Variants in AKAP11 observed in about 807,000 individuals in gnomAD.
AKAP11 encodes A-kinase anchor protein 11.
Under a neutral mutation model 146.1 loss-of-function variants are expected in AKAP11, and 36 were observed. That is an observed-to-expected ratio of 0.25 (90% CI 0.19 to 0.33). AKAP11 has a LOEUF of 0.33. Ranked by LOEUF, AKAP11 falls within the 10% of genes least tolerant of loss-of-function variation. AKAP11 has a pLI of 1.00. For missense variants in AKAP11, 2,201 were observed against 2,197.0 expected, an observed-to-expected ratio of 1.00 and a Z score of -0.04; for synonymous variants, 780 against 786.5, an observed-to-expected ratio of 0.99 and a Z score of 0.14.
At chr13:42,307,894 A>G (rs1359866227) in intron 8 of AKAP11, among the ~76,000 whole-genome samples, 1 of 152,204 alleles carries the variant, frequency 6.6e-6, no homozygotes. Context: ...AAAATAGTTG[A>G]GCAGTGAATG....
chr13:42,315,824 A>G (rs1011932965), intron 11 of AKAP11, among the ~76,000 whole-genome samples: 1 of 152,224 alleles, frequency 6.6e-6, no homozygotes, highest in Admixed American at 6.5e-5. Context: ...GAAAGATTCA[A>G]AATTATGGAA....
chr13:42,308,748 G>A lies in AKAP11; in HGVS notation c.5273+139G>A. On this transcript the variant is annotated intron_variant, in intron 9 of 12. Transcript: ENST00000025301. ...CAAAATGTATTTTATTATTCACAAT[G>A]TATTTCTAATTGTTTTTAACACTTA... is the stretch of plus-strand genomic sequence containing the variant. The A allele has an allele frequency of 4.3e-6, 3 of 703,728 alleles. 1 individual carries two copies. The allele number at this position is 703,728 out of a possible 1,614,324, so 43.6% of individuals were successfully genotyped here.
chr13:42,305,049 C>T (rs1217871612), intron 8 of AKAP11, among the ~76,000 whole-genome samples: 1 of 152,128 alleles, frequency 6.6e-6, no homozygotes, highest in African/African-American at 2.4e-5. Context: ...CCGCAACCAG[C>T]CATGCTCAGT....
At chr13:42,293,774 G>A (rs558872418) in intron 4 of AKAP11, among the ~76,000 whole-genome samples, 144 of 152,294 alleles carry the variant, frequency 9.5e-4, no homozygotes, top group Non-Finnish European at 1.8e-3. Context: ...CCCTATGCCA[G>A]CTTATTTTCT....
chr13:42,287,074 GT>G (rs1457450564), intron 3 of AKAP11, among the ~76,000 whole-genome samples: 1 of 151,976 alleles, frequency 6.6e-6, no homozygotes, highest in Non-Finnish European at 1.5e-5. Context: ...GTTTTTCTTG[GT>G]TTCCTTCTCT....
chr13:42,306,562 CTT>C (rs1442033177), intron 8 of AKAP11, among the ~76,000 whole-genome samples: 4 of 152,174 alleles, frequency 2.6e-5, no homozygotes, highest in African/African-American at 9.7e-5. Context: ...TCCTGCTTCT[CTT>C]CTTAATAATT....
chr13:42,298,516 C>A lies in AKAP11; in HGVS notation c.352-17C>A. 1 of 1,602,222 alleles carries A rather than the reference C, an allele frequency of 6.2e-7. No individual in the cohort carries two copies. Among genetic ancestry groups the A allele is most frequent in the Non-Finnish European group, 8.5e-7 (1 of 1,175,984 alleles). ...TTGAAATTAAAATTGTTTTTATTAT[C>A]TTTTATCTTTCCCAAGAGTCATCCT... On this transcript the variant is annotated splice_polypyrimidine_tract_variant and intron_variant, in intron 6 of 12. Transcript: ENST00000025301.
In AKAP11 at chr13:42,276,915, T is replaced by C. The variant is rs560044843; in HGVS notation, c.-100+4687T>C. 4.6e-5 allele frequency among the ~76,000 whole-genome samples: 7 copies of C among 152,372 alleles called. No homozygotes were observed. The South Asian group carries it at 1.4e-3, about 32-fold the overall frequency. ...TAGATGTCACTGATAAAAAGAAATG[T>C]GTTCCTGGGTTAAAATTCTGAACAT... is the stretch of plus-strand genomic sequence containing the variant. On this transcript the variant is annotated intron_variant, in intron 1 of 12. Coordinates refer to ENST00000025301, the MANE Select transcript of AKAP11 (RefSeq NM_016248.4).
At chr13:42,283,300 A>G (rs1210162564) in intron 1 of AKAP11, among the ~76,000 whole-genome samples, 2 of 152,246 alleles carry the variant, frequency 1.3e-5, no homozygotes, top group Non-Finnish European at 2.9e-5. Flanking sequence ...ATATAGAATT[A>G]AACTGTTTCT....
chr13:42,319,024 T>G (rs1960963273), intron 12 of AKAP11, 64 bp from the exon 13 acceptor site: 2 of 1,513,694 alleles, frequency 1.3e-6, no homozygotes, highest in Admixed American at 4.2e-5. Context: ...ATATTGAAAA[T>G]AAAAATAAAA....
intron 11 of AKAP11, among the ~76,000 whole-genome samples, chr13:42,316,057 G>C (rs1960805461): frequency 6.6e-6 from 1 of 152,120 alleles, no homozygotes; most frequent in Non-Finnish European, 1.5e-5. Context: ...CAGGATTGCA[G>C]AAAGGCCCAG....
At chr13:42,313,244 C>T in intron 10 of AKAP11, 114 bp downstream of exon 10, 1 of 710,078 alleles carries the variant, frequency 1.4e-6, no homozygotes, top group Non-Finnish European at 2.2e-6. Context: ...CTGCTTTTCT[C>T]CTATATTTTG....
intron 12 of AKAP11, 65 bp downstream of exon 12, chr13:42,317,753 T>G: frequency 6.5e-7 from 1 of 1,535,750 alleles, no homozygotes; most frequent in East Asian, 2.3e-5. Context: ...TGTCATGTGA[T>G]TGGTCTAACA....
Position 42,302,506 on chromosome 13 carries a change from A to G in AKAP11, c.3760A>G (p.Lys1254Glu), listed in dbSNP as rs1959990468. 1 of 1,614,176 alleles carries G rather than the reference A, an allele frequency of 6.2e-7. No homozygotes were observed. Among genetic ancestry groups the G allele is most frequent in the African/African-American group, 1.3e-5 (1 of 75,066 alleles). ...TFLNPSDENLKTLCNFAGDLA... is the reference protein window; with the variant it reads ...TFLNPSDENLETLCNFAGDLA... Reference sequence around the variant, plus strand: ...TTTAAACCCCTCAGACGAAAATTTGAAAACATTATGCAATTTTGCGGGTGA... The same window carrying G: ...TTTAAACCCCTCAGACGAAAATTTGGAAACATTATGCAATTTTGCGGGTGA... Residue 1254 changes from lysine (K) to glutamate (E), a missense_variant, in exon 8 of 13, where the codon AAA becomes GAA. By Grantham distance (56) the Lys-to-Glu change is moderately conservative (BLOSUM62 1). Transcript: ENST00000025301.
In AKAP11 at chr13:42,300,943, G is replaced by A. The variant is rs770521533; in HGVS notation, c.2197G>A (p.Val733Ile). Reference sequence around the variant, plus strand: ...TATCAAGTATGTGAGTGCAGAAAGTGTAGTGCCATCGACACAGGCTGTCAC... The same window carrying A: ...TATCAAGTATGTGAGTGCAGAAAGTATAGTGCCATCGACACAGGCTGTCAC... ...DNIKYVSAES[V>I]VPSTQAVTFS... The change falls in exon 8 of 13, where the codon GTA (valine) becomes ATA (isoleucine). Residue 733 changes from valine (V) to isoleucine (I), a missense_variant. Val to Ile is a conservative substitution (Grantham distance 29, BLOSUM62 3). Coordinates refer to ENST00000025301, the MANE Select transcript of AKAP11 (RefSeq NM_016248.4). 5 of 1,614,136 alleles carry A rather than the reference G, an allele frequency of 3.1e-6. No homozygotes were observed. In the Admixed American group the frequency reaches 6.7e-5, roughly 22 times the overall value.
chr13:42,308,113 C>T (rs1960364034), intron 8 of AKAP11, among the ~76,000 whole-genome samples: 1 of 152,154 alleles, frequency 6.6e-6, no homozygotes, highest in South Asian at 2.1e-4. Context: ...TTTTACAAAG[C>T]AGATGATAAC....
chr13:42,315,458 A>G (rs897417198), intron 11 of AKAP11, among the ~76,000 whole-genome samples: 3 of 152,230 alleles, frequency 2.0e-5, no homozygotes, highest in Admixed American at 6.5e-5. Context: ...CCTTTTCTCA[A>G]GTAACATCTG....
chr13:42,314,799 C>T (rs916500225), intron 11 of AKAP11, among the ~76,000 whole-genome samples: 3 of 152,088 alleles, frequency 2.0e-5, no homozygotes, highest in African/African-American at 7.2e-5. Context: ...TCAGATCCTT[C>T]CTTAATGAAC....
intron 10 of AKAP11, among the ~76,000 whole-genome samples, 174 bp downstream of exon 10, chr13:42,313,304 CTAAGA>C (rs1281816902): frequency 1.3e-5 from 2 of 152,178 alleles, no homozygotes; most frequent in Admixed American, 6.5e-5. Flanking sequence ...TTCAACTGTG[CTAAGA>C]TATGACTGAC....
Sources: gnomAD v4.1 joint callset for allele counts (sites outside exome capture counted in the v4.1 genomes callset) on GRCh38, gnomAD v4.1.1 for gene constraint, MANE v1.5 for transcripts, NCBI Gene and HGNC (gene_info 2026-07-23, HGNC 2026-07-21) for gene names.